Variants in KCNU1 observed in about 807,000 individuals in gnomAD.
KCNU1 encodes the protein potassium calcium-activated channel subfamily U member 1, also known as potassium channel subfamily U member 1.
KCNU1 carries 93 observed loss-of-function variants against 126.8 expected under a neutral mutation model. The ratio of observed to expected loss-of-function variants is 0.73; its 90% CI spans 0.62 to 0.87. KCNU1 has a LOEUF of 0.87. KCNU1 is among the 40% of genes least tolerant of loss of function. The probability of loss-of-function intolerance (pLI) is 0.00; values close to 1 mark genes in which losing one functional copy is unlikely to be tolerated. For missense variants in KCNU1, 1,330 were observed against 1,367.1 expected (o/e 0.97, Z 0.43); for synonymous variants, 523 against 494.2 (o/e 1.06, Z -0.77).
chr8:36,935,971 C>T lies in KCNU1; in HGVS notation c.*51C>T. 7.0e-7 allele frequency: 1 copy of T among 1,435,664 alleles called. No homozygotes were observed. Among genetic ancestry groups the T allele is most frequent in the Non-Finnish European group, 9.4e-7 (1 of 1,065,050 alleles). The allele number at this position is 1,435,664 out of a possible 1,614,324, so 88.9% of individuals were successfully genotyped here. A position where few individuals can be genotyped will look rare whatever the true frequency, so the allele number is the denominator to read the frequency against. On this transcript the variant is annotated 3_prime_UTR_variant, in exon 27 of 27. Coordinates refer to ENST00000399881, the MANE Select transcript of KCNU1 (RefSeq NM_001031836.3). The stretch of plus-strand genomic sequence containing the variant: ...TTAACTTGCTGCTTACAAATCATCT[C>T]CTGAGATGCTAACTTTGAACAAAGA...
rs1429299814 is a variant in KCNU1 at position 36,879,209 on chromosome 8, G to GTATA, written c.2009+14689_2009+14690insATAT. Among the ~76,000 whole-genome samples the GTATA allele has an allele frequency of 5.0e-3, 436 of 86,632 alleles. 5 individuals carry two copies. The highest frequency in any genetic ancestry group is 6.6e-3 in the African/African-American group (142 of 21,588). 56.8% of individuals were successfully genotyped at this position (86,632 alleles called of 152,430 possible). ...TATATGTATGTGTGTGTGTGTGTGTGTGTATATATATATATATATATATAT... is the reference window on the plus strand; with the variant it reads ...TATATGTATGTGTGTGTGTGTGTGTGTATATGTATATATATATATATATATATAT... On this transcript the variant is annotated intron_variant, in intron 19 of 26. Transcript: ENST00000399881.
chr8:36,928,288 C>T (rs1808593662), intron 24 of KCNU1, among the ~76,000 whole-genome samples: 1 of 152,108 alleles, frequency 6.6e-6, no homozygotes, highest in South Asian at 2.1e-4. Flanking sequence ...ACCAGGATAA[C>T]CCTAGAATTT....
In KCNU1 at chr8:36,873,769, T is replaced by C. The variant is rs192281960; in HGVS notation, c.2009+9248T>C. ...GATCAGGACAATAAAATATTGTTCA[T>C]TGCTTCTACCCCACAACCAATTAGG... On this transcript the variant is annotated intron_variant, in intron 19 of 26. Coordinates refer to ENST00000399881, the MANE Select transcript of KCNU1 (RefSeq NM_001031836.3). Among the ~76,000 whole-genome samples, 41 of 152,314 alleles carry C rather than the reference T, an allele frequency of 2.7e-4. No individual in the cohort carries two copies. The East Asian group carries it at 7.3e-3, about 27-fold the overall frequency.
chr8:36,840,585 G>C lies in KCNU1; in HGVS notation c.1631+10G>C. On this transcript the variant is annotated intron_variant, in intron 15 of 26. Transcript: ENST00000399881. Reference sequence around the variant, plus strand: ...TTCCTGAAGTTGCCCGGTAAGTGAAGTGAAATACTTCCCTCATTCTTCAGA... The same window carrying C: ...TTCCTGAAGTTGCCCGGTAAGTGAACTGAAATACTTCCCTCATTCTTCAGA... 1 of 1,424,354 alleles carries C rather than the reference G, an allele frequency of 7.0e-7. No individual in the cohort carries two copies. The highest frequency in any genetic ancestry group is 1.2e-5 in the South Asian group (1 of 86,348). The allele number at this position is 1,424,354 out of a possible 1,614,324, so 88.2% of individuals were successfully genotyped here.
chr8:36,934,377 G>A (rs539938838), intron 26 of KCNU1, among the ~76,000 whole-genome samples: 3 of 152,098 alleles, frequency 2.0e-5, no homozygotes, highest in Non-Finnish European at 4.4e-5. Flanking sequence ...TGATGGATGG[G>A]GAAGGAAGGT....
At chr8:36,822,245 T>C (rs1405546797) in intron 10 of KCNU1, among the ~76,000 whole-genome samples, 3 of 152,094 alleles carry the variant, frequency 2.0e-5, no homozygotes, top group Non-Finnish European at 4.4e-5. Flanking sequence ...TATGTATATA[T>C]GTATCAAACA....
chr8:36,859,077 G>A (rs1000388358), intron 18 of KCNU1, among the ~76,000 whole-genome samples: 1 of 152,154 alleles, frequency 6.6e-6, no homozygotes, highest in African/African-American at 2.4e-5. Flanking sequence ...GATGATGGCA[G>A]CAGAGTACCA....
rs369923814 is a variant in KCNU1 at position 36,935,533 on chromosome 8, A to G, written c.3063A>G (p.Pro1021=). The G allele has an allele frequency of 1.9e-5, 31 of 1,602,046 alleles. 1 individual carries two copies. The African/African-American group carries it at 3.7e-4, about 19-fold the overall frequency. The stretch of plus-strand genomic sequence containing the variant: ...CTTACAGGTTTGTGATCACCCGGCC[A>G]GCCAATGAGTTCAAGCTGCTGCCTT... ...PENKRFVITR[P]ANEFKLLPSD... The change falls in exon 27 of 27, where the codon CCA becomes CCG. Residue 1021 remains proline, a synonymous_variant. Transcript: ENST00000399881.
chr8:36,876,002 C>T (rs1325890327), intron 19 of KCNU1, among the ~76,000 whole-genome samples: 1 of 152,062 alleles, frequency 6.6e-6, no homozygotes, highest in African/African-American at 2.4e-5. Flanking sequence ...GCCTTGGAAA[C>T]CAGTTTTAAG....
chr8:36,866,576 A>G (rs907190079), intron 19 of KCNU1, among the ~76,000 whole-genome samples: 8 of 152,164 alleles, frequency 5.3e-5, no homozygotes, highest in African/African-American at 1.9e-4. Context: ...TCCAACAACA[A>G]AACAGTCACA....
intron 24 of KCNU1, among the ~76,000 whole-genome samples, chr8:36,923,236 C>A (rs1198328949): frequency 6.6e-6 from 1 of 152,158 alleles, no homozygotes; most frequent in South Asian, 2.1e-4. Flanking sequence ...CTACTCTGCA[C>A]AGGGCACTGT....
intron 3 of KCNU1, among the ~76,000 whole-genome samples, chr8:36,804,904 C>A: frequency 6.6e-6 from 1 of 152,176 alleles, no homozygotes; most frequent in East Asian, 1.9e-4. Flanking sequence ...GCCTCATCAT[C>A]TCTCTGGCTC....
chr8:36,881,504 C>T (rs549965208), intron 19 of KCNU1, among the ~76,000 whole-genome samples: 4 of 152,198 alleles, frequency 2.6e-5, no homozygotes, highest in African/African-American at 7.2e-5. Flanking sequence ...AGTTAACAGA[C>T]GTGAGCCATT....
At position 36,935,477 on chromosome 8, in the gene KCNU1, T is replaced by A; in HGVS notation, c.3045-38T>A. 3 of 1,532,006 alleles carry A rather than the reference T, an allele frequency of 2.0e-6. No individual in the cohort carries two copies. The East Asian group carries it at 6.8e-5, about 35-fold the overall frequency. The allele number at this position is 1,532,006 out of a possible 1,614,324, so 94.9% of individuals were successfully genotyped here. ...ACTGCCTGTTGCCACACTGGCCAGC[T>A]GCAGAACCTCAGCATTTATCTTTGA... On this transcript the variant is annotated intron_variant, in intron 26 of 26. Transcript: ENST00000399881.
chr8:36,918,864 A>G lies in KCNU1; in HGVS notation c.2563A>G (p.Asn855Asp), dbSNP rs774586315. 6.2e-7 allele frequency: 1 copy of G among 1,610,728 alleles called. No homozygotes were observed. Among genetic ancestry groups the G allele is most frequent in the Non-Finnish European group, 8.5e-7 (1 of 1,177,094 alleles). ...GYTNGHNEKS[N>D]CRKVPILTEL... ...CACAAATGGACATAATGAGAAATCAAACTGCCGAAAAGTCCCTATCCTTAC... is the reference window on the plus strand; with the variant it reads ...CACAAATGGACATAATGAGAAATCAGACTGCCGAAAAGTCCCTATCCTTAC... Residue 855 changes from asparagine to aspartate, a missense_variant, in exon 23 of 27, where the codon AAC becomes GAC. By Grantham distance (23) the Asn-to-Asp change is conservative (BLOSUM62 1). Transcript: ENST00000399881.
At chr8:36,888,742 C>T (rs758611113) in intron 19 of KCNU1, 1 of 534,326 alleles carries the variant, frequency 1.9e-6, no homozygotes, top group South Asian at 1.4e-5. Context: ...AAGAAGCCTA[C>T]AAGAAGTATA....
chr8:36,790,204 G>A (rs1802854948), intron 2 of KCNU1, among the ~76,000 whole-genome samples: 1 of 152,138 alleles, frequency 6.6e-6, no homozygotes, highest in Non-Finnish European at 1.5e-5. Flanking sequence ...CCTTTGAAAT[G>A]ATAAATGTAA....
At chr8:36,923,980 T>C (rs761200514) in intron 24 of KCNU1, among the ~76,000 whole-genome samples, 1 of 152,206 alleles carries the variant, frequency 6.6e-6, no homozygotes, top group Non-Finnish European at 1.5e-5. Flanking sequence ...AACTAATAGT[T>C]GACAGGAGGC....
At chr8:36,853,099 C>G (rs1468925734) in intron 18 of KCNU1, among the ~76,000 whole-genome samples, 1 of 152,088 alleles carries the variant, frequency 6.6e-6, no homozygotes, top group Middle Eastern at 3.2e-3. Flanking sequence ...CCTGTAATGC[C>G]AGCATTATGG....
Sources: gnomAD v4.1 joint callset for allele counts (sites outside exome capture counted in the v4.1 genomes callset) on GRCh38, gnomAD v4.1.1 for gene constraint, MANE v1.5 for transcripts, NCBI Gene and HGNC (gene_info 2026-07-23, HGNC 2026-07-21) for gene names.